The following NUGGC variants were observed in gnomAD, a reference collection of about 807,000 sequenced individuals.
NUGGC encodes the protein nuclear GTPase SLIP-GC.
Under a neutral mutation model 92.6 loss-of-function variants are expected in NUGGC, and 58 were observed. The ratio of observed to expected loss-of-function variants is 0.63; its 90% CI spans 0.51 to 0.78. The LOEUF is 0.78. Among genes scored for constraint, NUGGC ranks in the 30% least tolerant of loss-of-function variants. The pLI is 0.00. For missense variants in NUGGC, 925 were observed against 964.6 expected, an observed-to-expected ratio of 0.96 and a Z score of 0.54; for synonymous variants, 376 against 366.4, an observed-to-expected ratio of 1.03 and a Z score of -0.30.
chr8:28,023,538 C>T (rs185972557), intron 18 of NUGGC, 76 bp from the exon 19 acceptor site: 17 of 1,405,236 alleles, frequency 1.2e-5, no homozygotes, highest in South Asian at 1.0e-4. Context: ...AATCCCCCAA[C>T]AATCCTGTCA....
rs374601562 is a variant in NUGGC at position 28,026,997 on chromosome 8, G to T, written c.2210C>A (p.Ser737Ter). The T allele has an allele frequency of 6.2e-7, 1 of 1,613,612 alleles. No homozygotes were observed. The highest frequency in any genetic ancestry group is 1.3e-5 in the African/African-American group (1 of 74,902). Residue 737 changes from serine (S) to a stop codon, truncating the protein, a stop_gained, in exon 18 of 19, where the codon TCG becomes TAG. Transcript: ENST00000413272. LOFTEE classifies it high-confidence loss of function. Reference sequence around the variant, plus strand: ...CTTGTAGAGGCCATCCCCCTGGGACGAAGCAAGGGCCAGCATAGTGGTGAT... The same window carrying T: ...CTTGTAGAGGCCATCCCCCTGGGACTAAGCAAGGGCCAGCATAGTGGTGAT... ...GSITTMLALA[S>*]SQGDGLYKEL...
At chr8:28,072,136 G>A (rs1810605902) in intron 2 of NUGGC, among the ~76,000 whole-genome samples, 1 of 152,196 alleles carries the variant, frequency 6.6e-6, no homozygotes, top group Non-Finnish European at 1.5e-5. Context: ...CTGAATCTCT[G>A]CCACCTCATG....
intron 13 of NUGGC, 102 bp downstream of exon 13, chr8:28,040,949 A>C: frequency 8.2e-7 from 1 of 1,215,836 alleles, no homozygotes. Flanking sequence ...CCGGCCCGCT[A>C]ACTCTTTACC....
chr8:28,040,985 A>T, intron 13 of NUGGC, 66 bp downstream of exon 13: 1 of 1,467,082 alleles, frequency 6.8e-7, no homozygotes, highest in East Asian at 2.5e-5. Context: ...GGGATGATGC[A>T]AAAGAAGCTT....
intron 10 of NUGGC, among the ~76,000 whole-genome samples, chr8:28,048,109 C>T (rs1809887753): frequency 6.6e-6 from 1 of 152,152 alleles, no homozygotes; most frequent in Admixed American, 6.5e-5. Flanking sequence ...ACTGATAACC[C>T]AAATCCATAA....
intron 11 of NUGGC, 126 bp downstream of exon 11, chr8:28,047,381 A>G (rs1490492039): frequency 3.2e-6 from 2 of 620,222 alleles, no homozygotes; most frequent in East Asian, 2.8e-5. Flanking sequence ...TGCAATTGGT[A>G]TTGAAACCAT....
At chr8:28,037,313 T>G (rs772511506) in intron 13 of NUGGC, among the ~76,000 whole-genome samples, 1 of 152,168 alleles carries the variant, frequency 6.6e-6, no homozygotes, top group Admixed American at 6.5e-5. Flanking sequence ...TGTCAGCCTA[T>G]TCCCCCAAAA....
In NUGGC at chr8:28,070,337, T is replaced by C; in HGVS notation, c.63A>G (p.Lys21=). 6.5e-7 allele frequency: 1 copy of C among 1,528,020 alleles called. No individual in the cohort carries two copies. Among genetic ancestry groups the C allele is most frequent in the Non-Finnish European group, 8.9e-7 (1 of 1,125,542 alleles). The allele number at this position is 1,528,020 out of a possible 1,614,324, so 94.7% of individuals were successfully genotyped here. Residue 21 remains lysine, a synonymous_variant, in exon 3 of 19, where the codon AAA becomes AAG. Transcript: ENST00000413272. ...EPHPVEDDLY[K]ERTRKRRKSD... is the part of the protein sequence containing the mutation. ...ATTTCCTTCTTTTTCTCGTTCGTTCTTTATATAAATCATCTTCAACTAGAG... is the reference window on the plus strand; with the variant it reads ...ATTTCCTTCTTTTTCTCGTTCGTTCCTTATATAAATCATCTTCAACTAGAG...
At chr8:28,023,503 G>T (rs367835492) in intron 18 of NUGGC, 41 bp from the exon 19 acceptor site, 1 of 1,581,372 alleles carries the variant, frequency 6.3e-7, no homozygotes, top group Non-Finnish European at 8.6e-7. Context: ...CTTGGTGTCC[G>T]TTGCAGAAAC....
intron 10 of NUGGC, among the ~76,000 whole-genome samples, chr8:28,054,094 A>T (rs1810072829): frequency 6.6e-6 from 1 of 152,218 alleles, no homozygotes; most frequent in Admixed American, 6.5e-5. Context: ...TCAGCCAAAC[A>T]TATCATCTGT....
At chr8:28,035,574 G>A (rs190100801) in intron 13 of NUGGC, among the ~76,000 whole-genome samples, 6 of 152,166 alleles carry the variant, frequency 3.9e-5, no homozygotes, top group East Asian at 1.9e-4. Flanking sequence ...ACACAAAGGC[G>A]TCCCCCTGAG....
Position 28,059,754 on chromosome 8 carries a change from G to T in NUGGC, c.1097+672C>A, listed in dbSNP as rs145921157. On this transcript the variant is annotated intron_variant, in intron 8 of 18. Transcript: ENST00000413272. ...GCTGTACCCTGGGCTGGGTGCAGTG[G>T]CTCACACCTGTAATCCCAGCACTTT... Among the ~76,000 whole-genome samples, 450 of 152,226 alleles carry T rather than the reference G, an allele frequency of 3.0e-3. 2 individuals carry two copies. Among genetic ancestry groups the T allele is most frequent in the African/African-American group, 0.011 (437 of 41,518 alleles).
At chr8:28,070,397 G>T (rs1810558810) in intron 2 of NUGGC, 41 bp from the exon 3 acceptor site, 1 of 1,112,442 alleles carries the variant, frequency 9.0e-7, no homozygotes, top group Non-Finnish European at 1.3e-6. Context: ...TAGGTGTTGG[G>T]GTATGGTATT....
Position 28,047,557 on chromosome 8 carries a change from A to G in NUGGC, c.1262T>C (p.Val421Ala), listed in dbSNP as rs1420426749. The change falls in exon 11 of 19, where the codon GTC (valine) becomes GCC (alanine). Residue 421 changes from valine (V) to alanine (A), a missense_variant. Physicochemically the swap from Val to Ala is moderately conservative, Grantham distance 64. Coordinates refer to ENST00000413272, the MANE Select transcript of NUGGC (RefSeq NM_001010906.2). ...CTGCTGCCAGTACTCCTGGGCGCTG[A>G]CTGTATACACCAGATCTGAGGCTTC... ...VLEASDLVYT[V>A]SAQEYWQQAL... 6.4e-7 allele frequency: 1 copy of G among 1,570,922 alleles called. No homozygotes were observed. The highest frequency in any genetic ancestry group is 1.9e-5 in the Admixed American group (1 of 53,688).
chr8:28,064,807 T>C, intron 6 of NUGGC, 76 bp from the exon 7 acceptor site: 1 of 1,269,012 alleles, frequency 7.9e-7, no homozygotes, highest in Non-Finnish European at 1.1e-6. Flanking sequence ...GTGATGCAGG[T>C]TCATGGTAAG....
chr8:28,026,757 TTG>T (rs1230307052), intron 18 of NUGGC, among the ~76,000 whole-genome samples: 27 of 136,826 alleles, frequency 2.0e-4, no homozygotes, highest in African/African-American at 6.1e-4. Flanking sequence ...GGTAGGGCTG[TTG>T]TTTTCATCAT....
At chr8:28,079,940 G>GTTTT (rs1389926954) in intron 1 of NUGGC, among the ~76,000 whole-genome samples, 3 of 151,934 alleles carry the variant, frequency 2.0e-5, no homozygotes, top group Admixed American at 6.6e-5. Flanking sequence ...TTTTTTGTTT[G>GTTTT]TTTGTTTGTT....
At chr8:28,077,607 G>A (rs1227966359) in intron 1 of NUGGC, among the ~76,000 whole-genome samples, 1 of 152,056 alleles carries the variant, frequency 6.6e-6, no homozygotes, top group Non-Finnish European at 1.5e-5. Context: ...ATTACCCCTA[G>A]GAAAAAGATC....
chr8:28,031,457 G>A (rs1809416717), intron 14 of NUGGC, 76 bp from the exon 15 acceptor site: 2 of 1,388,744 alleles, frequency 1.4e-6, no homozygotes, highest in East Asian at 2.3e-5. Context: ...AAACTAGCTG[G>A]TGTCCTTTTA....
Sources: gnomAD v4.1 joint callset for allele counts (sites outside exome capture counted in the v4.1 genomes callset) on GRCh38, gnomAD v4.1.1 for gene constraint, MANE v1.5 for transcripts, NCBI Gene and HGNC (gene_info 2026-07-23, HGNC 2026-07-21) for gene names.